SEMA3A: variants seen among roughly 807,000 people sequenced by gnomAD.
SEMA3A encodes semaphorin 3A.
Under a neutral mutation model 97.9 loss-of-function variants are expected in SEMA3A, and 29 were observed. That is an observed-to-expected ratio of 0.30 (90% confidence interval 0.22 to 0.40). SEMA3A has a LOEUF of 0.40. Among genes scored for constraint, SEMA3A ranks in the 10% least tolerant of loss-of-function variants. The pLI is 1.00. For synonymous variants in SEMA3A, 321 were observed against 323.7 expected (o/e 0.99, Z 0.09); for missense variants, 763 against 951.3 (o/e 0.80, Z 2.60).
rs894443936 is a variant in SEMA3A, at chr7:84,176,386, G to C, written c.112+18089C>G. ...TCTATTGGGATTTCTCCCACAAATG[G>C]TTCATTTTCCTTGTATTTAATGGAA... On this transcript the variant is annotated intron_variant, in intron 1 of 16. Coordinates refer to ENST00000265362, the MANE Select transcript of SEMA3A (RefSeq NM_006080.3). 4.6e-5 allele frequency among the ~76,000 whole-genome samples: 7 copies of C among 152,212 alleles called. No homozygotes were observed. In the South Asian group the frequency reaches 1.2e-3, roughly 27 times the overall value.
intron 3 of SEMA3A, among the ~76,000 whole-genome samples, chr7:84,283,151 C>T (rs773270241): frequency 5.9e-5 from 9 of 151,800 alleles, no homozygotes; most frequent in Non-Finnish European, 8.8e-5. Flanking sequence ...TTAAAGGTTA[C>T]GAACAGTAAG....
chr7:84,386,322 G>A (rs1228881), intron 1 of SEMA3A, among the ~76,000 whole-genome samples: 69,665 of 151,880 alleles, frequency 0.46, 17,634 homozygotes, highest in East Asian at 0.79. Context: ...TTTTGCAGCA[G>A]CTCTGTAATC....
At chr7:84,315,499 C>G (rs571049114) in intron 2 of SEMA3A, among the ~76,000 whole-genome samples, 4 of 152,092 alleles carry the variant, frequency 2.6e-5, no homozygotes, top group South Asian at 4.1e-4. Flanking sequence ...TAGATGGTCT[C>G]TGGTTAAAAA....
intron 6 of SEMA3A, among the ~76,000 whole-genome samples, chr7:84,017,121 A>C (rs1171869670): frequency 6.6e-6 from 1 of 152,238 alleles, no homozygotes; most frequent in African/African-American, 2.4e-5. Flanking sequence ...AACAAAAGCA[A>C]TGTTAAAAGC....
At chr7:84,457,127 A>C (rs955204766) in intron 1 of SEMA3A, among the ~76,000 whole-genome samples, 4 of 151,862 alleles carry the variant, frequency 2.6e-5, no homozygotes, top group African/African-American at 4.8e-5. Context: ...ACCATTAAAA[A>C]AAAATCTGGT....
At chr7:84,072,822 C>A (rs545354366) in intron 4 of SEMA3A, among the ~76,000 whole-genome samples, 73 of 152,116 alleles carry the variant, frequency 4.8e-4, no homozygotes, top group African/African-American at 1.7e-3. Flanking sequence ...GTTAACATTG[C>A]CTTAAAACTT....
chr7:83,986,852 C>G (rs1032709402), intron 12 of SEMA3A, among the ~76,000 whole-genome samples: 2 of 125,600 alleles, frequency 1.6e-5, no homozygotes, highest in South Asian at 4.6e-4. Flanking sequence ...GATGGTACCT[C>G]TTATGGGGTG....
chr7:83,999,907 G>A (rs938260611), intron 12 of SEMA3A, among the ~76,000 whole-genome samples: 4 of 152,042 alleles, frequency 2.6e-5, no homozygotes, highest in African/African-American at 9.7e-5. Flanking sequence ...ATGATAACTT[G>A]TGACTGTTCC....
At position 84,429,516 on chromosome 7, in the gene SEMA3A, TTATATATATATA is replaced by T. The variant is rs10523978; in HGVS notation, c.-245-57628_-245-57617del. Among the ~76,000 whole-genome samples, 188 of 72,390 alleles carry T rather than the reference TTATATATATATA, an allele frequency of 2.6e-3. 10 individuals carry two copies. Among genetic ancestry groups the T allele is most frequent in the African/African-American group, 0.012 (175 of 14,128 alleles). The allele number at this position is 72,390 out of a possible 152,430, so 47.5% of individuals were successfully genotyped here. A position where few individuals can be genotyped will look rare whatever the true frequency, so the allele number is the denominator to read the frequency against. On this transcript the variant is annotated intron_variant, in intron 1 of 3. Transcript: ENST00000424555. ...TTGCATTAGTAAAATATAGAGTTTG[TTATATATATATA>T]TATATATATATATATATATAGCGAG...
intron 15 of SEMA3A, among the ~76,000 whole-genome samples, chr7:83,967,961 T>A (rs1269131516): frequency 6.6e-6 from 1 of 152,158 alleles, no homozygotes; most frequent in African/African-American, 2.4e-5. Context: ...TCTAGCTATT[T>A]TGAAATATAT....
At chr7:84,321,404 C>CA (rs1298070917) in intron 2 of SEMA3A, among the ~76,000 whole-genome samples, 1 of 152,086 alleles carries the variant, frequency 6.6e-6, no homozygotes, top group Non-Finnish European at 1.5e-5. Flanking sequence ...CTCAATATAA[C>CA]ACAATCTCTC....
intron 3 of SEMA3A, among the ~76,000 whole-genome samples, chr7:84,288,567 G>A (rs745976666): frequency 2.3e-4 from 35 of 152,034 alleles, no homozygotes; most frequent in Non-Finnish European, 4.7e-4. Context: ...ACCTGGAGGT[G>A]CACGCCTGTA....
At chr7:84,328,517 C>T (rs1004178815) in intron 2 of SEMA3A, among the ~76,000 whole-genome samples, 7 of 151,872 alleles carry the variant, frequency 4.6e-5, no homozygotes, top group South Asian at 2.1e-4. Context: ...CTTTGAAAAA[C>T]GCAATGTTGC....
rs1806703255 is a variant in SEMA3A, at chr7:84,490,749, G to T, written c.-246+1711C>A. 3.9e-5 allele frequency among the ~76,000 whole-genome samples: 6 copies of T among 152,300 alleles called. No individual in the cohort carries two copies. In the South Asian group the frequency reaches 1.0e-3, roughly 26 times the overall value. Reference sequence around the variant, plus strand: ...AAACAAATCTAAATGCCATGCTGAAGTGAGGTCCAGCCTTTGAAATCAGCT... The same window carrying T: ...AAACAAATCTAAATGCCATGCTGAATTGAGGTCCAGCCTTTGAAATCAGCT... On this transcript the variant is annotated intron_variant, in intron 1 of 3. Coordinates refer to the SEMA3A transcript ENST00000424555.
intron 1 of SEMA3A, among the ~76,000 whole-genome samples, chr7:84,398,214 T>G (rs1353709136): frequency 6.6e-6 from 1 of 152,170 alleles, no homozygotes; most frequent in African/African-American, 2.4e-5. Flanking sequence ...AGAACTAATT[T>G]TCATTCCACC....
At position 84,313,350 on chromosome 7, in the gene SEMA3A, GTGTGTGTATATATATATATATA is replaced by G. The variant is rs1342682950; in HGVS notation, c.-168-6080_-168-6059del. 1.7e-3 allele frequency among the ~76,000 whole-genome samples: 67 copies of G among 38,682 alleles called. 2 individuals are homozygous for G. Among genetic ancestry groups the G allele is most frequent in the African/African-American group, 5.2e-3 (57 of 11,048 alleles). The allele number at this position is 38,682 out of a possible 152,430, so 25.4% of individuals were successfully genotyped here. Reference sequence around the variant, plus strand: ...AATACATATATATATATGTATATGTGTGTGTGTATATATATATATATATATATATATATATATATATATATAT... The same window carrying G: ...AATACATATATATATATGTATATGTGTATATATATATATATATATATATAT... On this transcript the variant is annotated intron_variant, in intron 2 of 3. Coordinates refer to the SEMA3A transcript ENST00000424555.
At chr7:83,986,977 C>T (rs1489381720) in intron 12 of SEMA3A, among the ~76,000 whole-genome samples, 1 of 151,570 alleles carries the variant, frequency 6.6e-6, no homozygotes, top group African/African-American at 2.4e-5. Context: ...CTTTCACACA[C>T]ACACACACAC....
At chr7:84,398,117 C>T (rs935913734) in intron 1 of SEMA3A, among the ~76,000 whole-genome samples, 2 of 152,042 alleles carry the variant, frequency 1.3e-5, no homozygotes, top group African/African-American at 4.8e-5. Context: ...ATTGACATGC[C>T]TTTTTCAATG....
chr7:84,049,822 T>C (rs1412716985), intron 5 of SEMA3A, among the ~76,000 whole-genome samples: 2 of 149,690 alleles, frequency 1.3e-5, no homozygotes, highest in Admixed American at 1.3e-4. Context: ...CACTAACTCA[T>C]CATCTAGCAT....
Sources: gnomAD v4.1 joint callset for allele counts (sites outside exome capture counted in the v4.1 genomes callset) on GRCh38, gnomAD v4.1.1 for gene constraint, MANE v1.5 for transcripts, NCBI Gene and HGNC (gene_info 2026-07-23, HGNC 2026-07-21) for gene names.